Variants in CSMD1 observed in about 807,000 individuals in gnomAD.
CSMD1 encodes CUB and Sushi multiple domains 1, also known as CUB and sushi domain-containing protein 1.
In CSMD1, 213 loss-of-function variants were observed where a neutral mutation model predicts 417.5. That is an observed-to-expected ratio of 0.51 (90% CI 0.46 to 0.57). The LOEUF (loss-of-function observed/expected upper bound fraction) is 0.57. Ranked by LOEUF, CSMD1 falls within the 20% of genes least tolerant of loss-of-function variation. The pLI is 0.00. For missense variants in CSMD1, 6,923 were observed against 4,529.7 expected, an observed-to-expected ratio of 1.53 and a Z score of -15.17; for synonymous variants, 2,862 against 1,736.8, an observed-to-expected ratio of 1.65 and a Z score of -16.11.
intron 54 of CSMD1, among the ~76,000 whole-genome samples, chr8:2,979,847 C>T (rs371878879): frequency 2.0e-5 from 3 of 152,308 alleles, no homozygotes; most frequent in East Asian, 3.9e-4. Context: ...AAACAAAAAG[C>T]CATGTGTGAA....
chr8:4,528,647 T>C (rs1796639439), intron 2 of CSMD1, among the ~76,000 whole-genome samples: 1 of 152,198 alleles, frequency 6.6e-6, no homozygotes, highest in Non-Finnish European at 1.5e-5. Flanking sequence ...ATGGCATAGA[T>C]TGCAGCAATG....
At chr8:3,124,150 G>C (rs368153462) in intron 41 of CSMD1, among the ~76,000 whole-genome samples, 8 of 152,030 alleles carry the variant, frequency 5.3e-5, no homozygotes, top group African/African-American at 7.3e-5. Context: ...GTGTGGGGAG[G>C]GGGGAGCAGA....
chr8:3,048,546 T>C (rs538920837), intron 50 of CSMD1, among the ~76,000 whole-genome samples: 1 of 152,076 alleles, frequency 6.6e-6, no homozygotes, highest in Non-Finnish European at 1.5e-5. Flanking sequence ...TAAAAAATAA[T>C]CCAGACACAG....
intron 1 of CSMD1, among the ~76,000 whole-genome samples, chr8:4,714,699 T>C (rs1808532251): frequency 6.6e-6 from 1 of 152,142 alleles, no homozygotes; most frequent in Non-Finnish European, 1.5e-5. Context: ...GCAGTTCAAA[T>C]TTACTCGAGA....
intron 37 of CSMD1, among the ~76,000 whole-genome samples, chr8:3,178,979 ACT>A (rs1470861699): frequency 1.4e-5 from 2 of 141,480 alleles, no homozygotes; most frequent in East Asian, 2.0e-4. Flanking sequence ...ACGGAGTCTC[ACT>A]CTGTCACCCA....
At chr8:3,794,238 C>A (rs960030429) in intron 5 of CSMD1, among the ~76,000 whole-genome samples, 1 of 152,196 alleles carries the variant, frequency 6.6e-6, no homozygotes, top group African/African-American at 2.4e-5. Context: ...TCCTGTTCTA[C>A]GCAGTTGAGA....
Position 3,091,754 on chromosome 8 carries a change from C to T in CSMD1, c.7139-92G>A, listed in dbSNP as rs993744003. ...TAGCTTTTGATTACACTGGAGTCTA[C>T]GTGTGCAATACACAGATATAATTAT... On this transcript the variant is annotated intron_variant, in intron 47 of 69. Coordinates refer to ENST00000635120, the MANE Select transcript of CSMD1 (RefSeq NM_033225.6). The T allele has an allele frequency of 2.9e-5, 31 of 1,065,860 alleles. 1 individual carries two copies. The highest frequency in any genetic ancestry group is 1.5e-4 in the South Asian group (10 of 64,772). 66.0% of individuals were successfully genotyped at this position (1,065,860 alleles called of 1,614,324 possible).
chr8:3,262,200 T>A lies in CSMD1; in HGVS notation c.4153+21944A>T, dbSNP rs1286660312. Among the ~76,000 whole-genome samples, 7 of 86,096 alleles carry A rather than the reference T, an allele frequency of 8.1e-5. 1 individual carries two copies. The highest frequency in any genetic ancestry group is 3.1e-4 in the South Asian group (1 of 3,204). The allele number at this position is 86,096 out of a possible 152,430, so 56.5% of individuals were successfully genotyped here. A position where few individuals can be genotyped will look rare whatever the true frequency, so the allele number is the denominator to read the frequency against. On this transcript the variant is annotated intron_variant, in intron 26 of 69. Transcript: ENST00000635120. ...GCTCATATGAATATATATATATATA[T>A]ATATATATATATATATATATATATA...
intron 5 of CSMD1, among the ~76,000 whole-genome samples, chr8:3,851,737 C>T (rs898545360): frequency 6.6e-6 from 1 of 152,014 alleles, no homozygotes. Context: ...AGAGAGAGAA[C>T]AAGAAGGTGA....
chr8:4,326,294 C>G (rs940743255), intron 3 of CSMD1, among the ~76,000 whole-genome samples: 1 of 152,074 alleles, frequency 6.6e-6, no homozygotes, highest in African/African-American at 2.4e-5. Flanking sequence ...TCAGACATAG[C>G]AAGGACAGCG....
chr8:4,074,941 A>G (rs2554690), intron 3 of CSMD1, among the ~76,000 whole-genome samples: 109,891 of 151,904 alleles, frequency 0.72, 40,914 homozygotes, highest in South Asian at 0.87. Flanking sequence ...GAATTTATTT[A>G]TATTTTTGTG....
At chr8:4,032,800 T>G (rs910222760) in intron 3 of CSMD1, among the ~76,000 whole-genome samples, 1 of 152,146 alleles carries the variant, frequency 6.6e-6, no homozygotes, top group African/African-American at 2.4e-5. Flanking sequence ...ATAATAAAAT[T>G]CAAAGGCCGT....
chr8:4,362,505 T>G (rs1801830181), intron 3 of CSMD1, among the ~76,000 whole-genome samples: 3 of 152,222 alleles, frequency 2.0e-5, no homozygotes, highest in Admixed American at 2.0e-4. Flanking sequence ...CTCATTTGTC[T>G]GCTTAATTTG....
chr8:4,368,807 T>A (rs1433070227), intron 3 of CSMD1, among the ~76,000 whole-genome samples: 1 of 152,286 alleles, frequency 6.6e-6, no homozygotes, highest in East Asian at 1.9e-4. Flanking sequence ...TAGGTTGTAA[T>A]GTCAGCTTTG....
chr8:3,144,311 A>G (rs1204918401), intron 40 of CSMD1, among the ~76,000 whole-genome samples: 1 of 152,184 alleles, frequency 6.6e-6, no homozygotes, highest in South Asian at 2.1e-4. Flanking sequence ...TGACAGTCTC[A>G]TGATGGTAAA....
intron 10 of CSMD1, among the ~76,000 whole-genome samples, chr8:3,532,727 A>G (rs1056563490): frequency 6.6e-5 from 10 of 152,316 alleles, no homozygotes; most frequent in Admixed American, 5.2e-4. Flanking sequence ...TAACACTTTC[A>G]GTATGTCATA....
intron 2 of CSMD1, among the ~76,000 whole-genome samples, chr8:4,526,220 C>T (rs980861625): frequency 1.3e-5 from 2 of 152,180 alleles, no homozygotes; most frequent in African/African-American, 2.4e-5. Flanking sequence ...TCATGCGCTA[C>T]ATTTGATTAT....
intron 7 of CSMD1, among the ~76,000 whole-genome samples, chr8:3,673,512 T>C (rs933773730): frequency 6.6e-6 from 1 of 152,198 alleles, no homozygotes; most frequent in Non-Finnish European, 1.5e-5. Context: ...TTCATAAACA[T>C]TTTACAGGAG....
intron 27 of CSMD1, among the ~76,000 whole-genome samples, chr8:3,227,432 C>T (rs193284110): frequency 6.6e-4 from 100 of 152,016 alleles, no homozygotes; most frequent in Middle Eastern, 3.4e-3. Context: ...TTTAAAAGTC[C>T]GAGAAATATG....
Sources: allele counts gnomAD v4.1 joint callset (sites outside exome capture counted in the v4.1 genomes callset), GRCh38; gene constraint gnomAD v4.1.1; transcripts MANE v1.5; gene names NCBI Gene and HGNC (gene_info 2026-07-23, HGNC 2026-07-21).